DNAAF9: variants seen among roughly 807,000 people sequenced by gnomAD.
DNAAF9 encodes dynein axonemal assembly factor 9, also known as shulin.
In DNAAF9, 90 loss-of-function variants were observed where a neutral mutation model predicts 167.0. That is an observed-to-expected ratio of 0.54 (90% CI 0.45 to 0.64). The LOEUF (loss-of-function observed/expected upper bound fraction) is 0.64, where lower values mean the gene tolerates loss of function less well. Ranked by LOEUF, DNAAF9 falls within the 30% of genes least tolerant of loss-of-function variation. DNAAF9 has a pLI of 0.00. For synonymous variants in DNAAF9, 491 were observed against 508.8 expected, an observed-to-expected ratio of 0.96 and a Z score of 0.47; for missense variants, 1,315 against 1,442.2, an observed-to-expected ratio of 0.91 and a Z score of 1.43.
At chr20:3,383,662 C>T (rs1012525430) in intron 1 of DNAAF9, among the ~76,000 whole-genome samples, 4 of 151,800 alleles carry the variant, frequency 2.6e-5, no homozygotes, top group African/African-American at 9.7e-5. Context: ...ATTCTTCCAC[C>T]TATGAAGCCA....
intron 6 of DNAAF9, chr20:3,362,128 C>T: frequency 2.2e-6 from 3 of 1,386,496 alleles, no homozygotes; most frequent in Non-Finnish European, 2.0e-6. Flanking sequence ...TATTTTAAGG[C>T]TGTATATTCG....
intron 1 of DNAAF9, among the ~76,000 whole-genome samples, chr20:3,385,790 T>A (rs1411841497): frequency 6.6e-6 from 1 of 152,168 alleles, no homozygotes; most frequent in African/African-American, 2.4e-5. Context: ...ATAAACCTAA[T>A]AAAACATACA....
At chr20:3,336,260 T>TTTG (rs1555793452) in intron 10 of DNAAF9, among the ~76,000 whole-genome samples, 2 of 141,778 alleles carry the variant, frequency 1.4e-5, no homozygotes, top group African/African-American at 5.7e-5. Context: ...GCGTTTTTGT[T>TTTG]TTTTTTTTTT....
At chr20:3,285,787 T>A (rs1298755397) in intron 27 of DNAAF9, among the ~76,000 whole-genome samples, 2 of 151,526 alleles carry the variant, frequency 1.3e-5, no homozygotes, top group Non-Finnish European at 2.9e-5. Flanking sequence ...GAGACCAGTC[T>A]GGCCAACATA....
intron 3 of DNAAF9, 146 bp from the exon 4 acceptor site, chr20:3,376,448 G>T: frequency 1.4e-6 from 1 of 704,022 alleles, no homozygotes; most frequent in Non-Finnish European, 2.2e-6. Flanking sequence ...ATTAAGCACT[G>T]TGCCTTGTAA....
chr20:3,364,791 G>T (rs2083408418), intron 6 of DNAAF9, among the ~76,000 whole-genome samples: 1 of 152,104 alleles, frequency 6.6e-6, no homozygotes, highest in South Asian at 2.1e-4. Flanking sequence ...TTTGCTGGTG[G>T]AGGGTCTTGC....
chr20:3,253,166 G>A (rs574222626), intron 36 of DNAAF9, among the ~76,000 whole-genome samples: 17 of 152,170 alleles, frequency 1.1e-4, no homozygotes, highest in Non-Finnish European at 1.3e-4. Flanking sequence ...TCTAAGCTGG[G>A]CGCGGTGGCT....
chr20:3,393,972 A>G (rs568295669), intron 1 of DNAAF9, among the ~76,000 whole-genome samples: 1 of 152,322 alleles, frequency 6.6e-6, no homozygotes, highest in Admixed American at 6.5e-5. Flanking sequence ...GTGCATACTC[A>G]TATTCTTTAC....
At chr20:3,337,534 A>G (rs980092433) in intron 10 of DNAAF9, among the ~76,000 whole-genome samples, 8 of 147,782 alleles carry the variant, frequency 5.4e-5, no homozygotes, top group Non-Finnish European at 1.2e-4. Flanking sequence ...TATTTTTATG[A>G]TGGTTGCTCT....
chr20:3,324,780 T>A (rs1438945457), intron 14 of DNAAF9, 112 bp downstream of exon 14: 1 of 686,076 alleles, frequency 1.5e-6, no homozygotes, highest in Non-Finnish European at 2.6e-6. Context: ...CATCCCATTA[T>A]TTTACTGAAA....
intron 26 of DNAAF9, among the ~76,000 whole-genome samples, chr20:3,288,239 C>T (rs1019995427): frequency 2.6e-5 from 4 of 152,148 alleles, no homozygotes; most frequent in South Asian, 2.1e-4. Context: ...CACCTGAAGT[C>T]GGGAGGTTCA....
At position 3,294,230 on chromosome 20, in the gene DNAAF9, C is replaced by G; in HGVS notation, c.2147G>C (p.Ser716Thr). 1 of 1,612,294 alleles carries G rather than the reference C, an allele frequency of 6.2e-7. No individual in the cohort carries two copies. Among genetic ancestry groups the G allele is most frequent in the Non-Finnish European group, 8.5e-7 (1 of 1,178,370 alleles). ...CCGCATCACAGGCTCCTGGCTAATG[C>G]TGCTGATGGCGAAATGCTGGAGAAA... ...DWFLQHFAIS[S>T]ISQEPVMRTH... Residue 716 changes from serine (S) to threonine (T), a missense_variant, in exon 25 of 37, where the codon AGC becomes ACC. Coordinates refer to ENST00000252032, the MANE Select transcript of DNAAF9 (RefSeq NM_001009984.3).
At chr20:3,339,073 TGATAA>T (rs1207334208) in intron 10 of DNAAF9, among the ~76,000 whole-genome samples, 1 of 152,210 alleles carries the variant, frequency 6.6e-6, no homozygotes, top group African/African-American at 2.4e-5. Context: ...TCTGCTCTAC[TGATAA>T]GCCCATTAAA....
intron 3 of DNAAF9, among the ~76,000 whole-genome samples, chr20:3,377,156 T>TA (rs1186168653): frequency 6.6e-6 from 1 of 152,172 alleles, no homozygotes; most frequent in Non-Finnish European, 1.5e-5. Flanking sequence ...AGGTTCTTAT[T>TA]ATGCAAGTAA....
intron 30 of DNAAF9, among the ~76,000 whole-genome samples, chr20:3,266,074 T>C (rs1056954652): frequency 6.6e-6 from 1 of 152,234 alleles, no homozygotes; most frequent in Non-Finnish European, 1.5e-5. Flanking sequence ...AGAGTACATG[T>C]CAGAGCTTTT....
At position 3,315,770 on chromosome 20, in the gene DNAAF9, C is replaced by A; in HGVS notation, c.1555G>T (p.Val519Leu). The A allele has an allele frequency of 6.2e-7, 1 of 1,613,654 alleles. No homozygotes were observed. The highest frequency in any genetic ancestry group is 1.1e-5 in the South Asian group (1 of 91,068). ...TGCTGGGTTTTCTCAGACAATTTTA[C>A]TTCATTATCTTCCACCTGTGTCCAA... is the stretch of plus-strand genomic sequence containing the variant. ...FCSWLVEDNE[V>L]KLSEKTQQAV... The change falls in exon 19 of 37, where the codon GTA (valine) becomes TTA (leucine). Residue 519 changes from valine (V) to leucine (L), a missense_variant. Around this residue, in one of 2 missense-constraint regions of DNAAF9, gnomAD observed 981 missense variants for 1,012.5 expected, o/e 0.97. Transcript: ENST00000252032. The surrounding 1 kb of genome is among the most constrained non-coding windows in gnomAD (Gnocchi z 4.1).
chr20:3,300,248 A>G (rs937336796), intron 21 of DNAAF9, among the ~76,000 whole-genome samples: 2 of 151,968 alleles, frequency 1.3e-5, no homozygotes, highest in Non-Finnish European at 2.9e-5. Flanking sequence ...TTTGATACGG[A>G]CTGCACTGAA....
At chr20:3,340,895 A>G (rs1205871671) in intron 9 of DNAAF9, among the ~76,000 whole-genome samples, 1 of 152,140 alleles carries the variant, frequency 6.6e-6, no homozygotes, top group African/African-American at 2.4e-5. Flanking sequence ...AGCATGTCCC[A>G]CTTTTTGAGG....
At chr20:3,303,833 T>C (rs917937417) in intron 21 of DNAAF9, among the ~76,000 whole-genome samples, 2 of 152,254 alleles carry the variant, frequency 1.3e-5, no homozygotes, top group Non-Finnish European at 2.9e-5. Context: ...AGCTACCATC[T>C]TCCCCTTAAG....
Sources: allele counts gnomAD v4.1 joint callset (sites outside exome capture counted in the v4.1 genomes callset), GRCh38; gene constraint gnomAD v4.1.1; regional missense constraint gnomAD v4.1.1; non-coding constraint Gnocchi (gnomAD v3.1); transcripts MANE v1.5; gene names NCBI Gene and HGNC (gene_info 2026-07-23, HGNC 2026-07-21).